MIPOL1: variants seen among roughly 807,000 people sequenced by gnomAD.
MIPOL1 encodes mirror-image polydactyly 1.
MIPOL1 carries 57 observed loss-of-function variants against 60.9 expected under a neutral mutation model. The ratio of observed to expected loss-of-function variants is 0.94; its 90% CI spans 0.76 to 1.17. The LOEUF is 1.17. Among genes scored for constraint, MIPOL1 ranks in the 50% most tolerant of loss-of-function variants. The pLI, the probability that MIPOL1 is intolerant of heterozygous loss-of-function variation, is 0.00. For synonymous variants in MIPOL1, 179 were observed against 168.8 expected, an observed-to-expected ratio of 1.06 and a Z score of -0.47; for missense variants, 551 against 511.6, an observed-to-expected ratio of 1.08 and a Z score of -0.74.
intron 9 of MIPOL1, among the ~76,000 whole-genome samples, chr14:37,325,906 C>T: frequency 6.6e-6 from 1 of 152,170 alleles, no homozygotes. Flanking sequence ...GTGGTAATTT[C>T]AACTTCCAGA....
chr14:37,271,244 AT>A (rs2083281542), intron 6 of MIPOL1, among the ~76,000 whole-genome samples: 1 of 152,026 alleles, frequency 6.6e-6, no homozygotes, highest in South Asian at 2.1e-4. Flanking sequence ...TTGTTTTAGT[AT>A]GTTAAGGAAA....
chr14:37,418,588 G>C (rs2093813258), intron 10 of MIPOL1, among the ~76,000 whole-genome samples: 1 of 151,862 alleles, frequency 6.6e-6, no homozygotes, highest in South Asian at 2.1e-4. Context: ...TGTATACAGT[G>C]GTATAAAAAG....
chr14:37,264,461 G>GA (rs57621029), intron 3 of MIPOL1, among the ~76,000 whole-genome samples: 4,275 of 144,382 alleles, frequency 0.03, 179 homozygotes, highest in African/African-American at 0.075. Context: ...CCCCATCTCT[G>GA]AAAAAAAAAA....
intron 11 of MIPOL1, among the ~76,000 whole-genome samples, chr14:37,439,848 G>A (rs1486752010): frequency 6.6e-6 from 1 of 152,060 alleles, no homozygotes; most frequent in Non-Finnish European, 1.5e-5. Flanking sequence ...TAACAATAAT[G>A]TATTTTATTT....
At chr14:37,348,983 CTTTTTTTTT>C (rs11347957) in intron 9 of MIPOL1, among the ~76,000 whole-genome samples, 3 of 74,124 alleles carry the variant, frequency 4.0e-5, no homozygotes, top group Non-Finnish European at 6.6e-5. Flanking sequence ...CCAGCTAATT[CTTTTTTTTT>C]TTTTTTTTTT....
intron 10 of MIPOL1, among the ~76,000 whole-genome samples, chr14:37,397,787 C>T (rs887426686): frequency 6.6e-6 from 1 of 152,132 alleles, no homozygotes; most frequent in African/African-American, 2.4e-5. Context: ...ACCCAGCTCC[C>T]ATGCAATCTA....
At chr14:37,388,113 A>G (rs1307040188) in intron 10 of MIPOL1, among the ~76,000 whole-genome samples, 1 of 151,978 alleles carries the variant, frequency 6.6e-6, no homozygotes, top group Admixed American at 6.6e-5. Flanking sequence ...CCTAAACAAT[A>G]TAAGAGCTTA....
intron 9 of MIPOL1, among the ~76,000 whole-genome samples, chr14:37,366,916 C>A (rs2092489644): frequency 6.6e-6 from 1 of 151,894 alleles, no homozygotes; most frequent in Non-Finnish European, 1.5e-5. Flanking sequence ...CCTTGTTTGT[C>A]TTTCCTTAGA....
intron 9 of MIPOL1, among the ~76,000 whole-genome samples, chr14:37,362,487 T>G (rs2092308493): frequency 6.6e-6 from 1 of 152,240 alleles, no homozygotes; most frequent in Non-Finnish European, 1.5e-5. Context: ...ACTGTTAGTC[T>G]GATGGGCTTC....
intron 9 of MIPOL1, among the ~76,000 whole-genome samples, chr14:37,330,973 T>C (rs2089631264): frequency 6.6e-6 from 1 of 152,114 alleles, no homozygotes; most frequent in Non-Finnish European, 1.5e-5. Flanking sequence ...TTTTAGTTCC[T>C]TATGTCAAAA....
At chr14:37,467,598 A>G (rs1254825250) in intron 11 of MIPOL1, among the ~76,000 whole-genome samples, 1 of 152,152 alleles carries the variant, frequency 6.6e-6, no homozygotes, top group Non-Finnish European at 1.5e-5. Flanking sequence ...TTCCTTATCT[A>G]TGGGATCTGC....
intron 9 of MIPOL1, among the ~76,000 whole-genome samples, chr14:37,351,214 C>T (rs2091339255): frequency 6.8e-6 from 1 of 146,488 alleles, no homozygotes; most frequent in East Asian, 2.0e-4. Context: ...CAATTTCATC[C>T]ATGTCCCTAC....
At chr14:37,503,664 A>G (rs559907625) in intron 12 of MIPOL1, 3 of 152,378 alleles carry the variant, frequency 2.0e-5, no homozygotes, top group African/African-American at 7.2e-5. Flanking sequence ...GCCAAATTGT[A>G]AAGACCATCG....
chr14:37,448,241 GTC>G (rs2094366631), intron 11 of MIPOL1, among the ~76,000 whole-genome samples: 1 of 152,212 alleles, frequency 6.6e-6, no homozygotes, highest in Admixed American at 6.5e-5. Context: ...TTTAAAGGGA[GTC>G]TCTGCACTAT....
chr14:37,247,822 A>G lies in MIPOL1; in HGVS notation c.-60-7A>G, dbSNP rs1184029423. The G allele has an allele frequency of 1.9e-6, 3 of 1,569,490 alleles. No individual in the cohort carries two copies. Among genetic ancestry groups the G allele is most frequent in the Admixed American group, 3.4e-5 (2 of 59,172 alleles). On this transcript the variant is annotated splice_region_variant and splice_polypyrimidine_tract_variant and intron_variant, in intron 2 of 12. Transcript: ENST00000684589. ...AGTTTATTTATCTAGAGTTGGCTTT[A>G]TTTTAGCTGCAAATCTTGGAGCAAA...
At chr14:37,353,074 T>C (rs1447981184) in intron 9 of MIPOL1, among the ~76,000 whole-genome samples, 1 of 129,846 alleles carries the variant, frequency 7.7e-6, no homozygotes, top group Non-Finnish European at 1.6e-5. Context: ...TTTTGAAATA[T>C]GTCCCATCAA....
intron 12 of MIPOL1, among the ~76,000 whole-genome samples, chr14:37,535,920 A>G (rs2095504337): frequency 6.7e-6 from 1 of 150,260 alleles, no homozygotes. Context: ...TTTCTTTTGG[A>G]GACAGGATCT....
At chr14:37,445,502 G>A (rs2094319363) in intron 11 of MIPOL1, among the ~76,000 whole-genome samples, 1 of 151,170 alleles carries the variant, frequency 6.6e-6, no homozygotes, top group Admixed American at 6.6e-5. Flanking sequence ...ACTGCCCAAG[G>A]TAATTTATAG....
chr14:37,332,273 T>G (rs919305184), intron 9 of MIPOL1, among the ~76,000 whole-genome samples: 1 of 152,236 alleles, frequency 6.6e-6, no homozygotes, highest in African/African-American at 2.4e-5. Context: ...TGAAGGGATG[T>G]TGAATTTTAT....
Sources: gnomAD v4.1 joint callset for allele counts (sites outside exome capture counted in the v4.1 genomes callset) on GRCh38, gnomAD v4.1.1 for gene constraint, MANE v1.5 for transcripts, NCBI Gene and HGNC (gene_info 2026-07-23, HGNC 2026-07-21) for gene names.